MTHFD1: variants seen among roughly 807,000 people sequenced by gnomAD.
MTHFD1 encodes C-1-tetrahydrofolate synthase, cytoplasmic.
A neutral mutation model predicts 110.3 loss-of-function variants in MTHFD1; 44 were observed. The ratio of observed to expected loss-of-function variants is 0.40; its 90% CI spans 0.31 to 0.51. The LOEUF (loss-of-function observed/expected upper bound fraction) is 0.51. Among genes scored for constraint, MTHFD1 ranks in the 20% least tolerant of loss-of-function variants. The pLI is 0.60. For missense variants in MTHFD1, 909 were observed against 1,173.1 expected (o/e 0.77, Z 3.29); for synonymous variants, 402 against 428.8 (o/e 0.94, Z 0.77).
intron 3 of MTHFD1, among the ~76,000 whole-genome samples, chr14:64,412,032 G>A (rs1190674449): frequency 2.0e-5 from 3 of 152,158 alleles, no homozygotes; most frequent in Non-Finnish European, 4.4e-5. Flanking sequence ...GTGGGCTGGG[G>A]GGATTTACAT....
intron 2 of MTHFD1, among the ~76,000 whole-genome samples, chr14:64,401,776 A>G (rs1024260301): frequency 6.6e-6 from 1 of 152,286 alleles, no homozygotes; most frequent in East Asian, 1.9e-4. Context: ...GAGCTCATTT[A>G]TTATATGTTA....
intron 2 of MTHFD1, among the ~76,000 whole-genome samples, chr14:64,403,121 AT>A (rs966368144): frequency 1.4e-4 from 21 of 146,252 alleles, no homozygotes; most frequent in Admixed American, 2.7e-4. Context: ...ACCATGCCTA[AT>A]TTTTTTTTTT....
At position 64,428,111 on chromosome 14, in the gene MTHFD1, T is replaced by TG. The variant is rs1342374183; in HGVS notation, c.1264+638_1264+639insG. Reference sequence around the variant, plus strand: ...GGTACTAAGAACATGTGTTTTTTTTTTTTTTTTTTTTTTTTTGAGACAGGG... The same window carrying TG: ...GGTACTAAGAACATGTGTTTTTTTTTGTTTTTTTTTTTTTTTTGAGACAGGG... On this transcript the variant is annotated intron_variant, in intron 12 of 27. Transcript: ENST00000652337. Among the ~76,000 whole-genome samples the TG allele has an allele frequency of 6.1e-3, 875 of 144,516 alleles. 7 individuals carry two copies. The highest frequency in any genetic ancestry group is 0.021 in the African/African-American group (831 of 38,972). The allele number at this position is 144,516 out of a possible 152,430, so 94.8% of individuals were successfully genotyped here.
intron 14 of MTHFD1, 26 bp from the exon 15 acceptor site, chr14:64,431,761 T>G (rs780543996): frequency 1.2e-6 from 2 of 1,610,316 alleles, no homozygotes; most frequent in East Asian, 4.5e-5. Context: ...CTCCTCTCAT[T>G]TTAAAGCCCC....
chr14:64,446,102 A>T (rs554054617), intron 22 of MTHFD1, among the ~76,000 whole-genome samples: 10 of 152,290 alleles, frequency 6.6e-5, no homozygotes, highest in South Asian at 2.1e-4. Flanking sequence ...AAAATATTTA[A>T]TGTATTGTTA....
At chr14:64,428,754 A>G (rs1566566103) in intron 12 of MTHFD1, among the ~76,000 whole-genome samples, 1 of 150,582 alleles carries the variant, frequency 6.6e-6, no homozygotes, top group Non-Finnish European at 1.5e-5. Context: ...GGGTTTCACT[A>G]TATTGGCCAG....
chr14:64,408,392 G>T (rs1247664967), intron 2 of MTHFD1, among the ~76,000 whole-genome samples: 1 of 151,732 alleles, frequency 6.6e-6, no homozygotes, highest in Non-Finnish European at 1.5e-5. Flanking sequence ...GGGTTCAAGG[G>T]ATTCTCCTGC....
intron 24 of MTHFD1, among the ~76,000 whole-genome samples, chr14:64,451,314 G>A (rs1436003175): frequency 6.6e-6 from 1 of 152,112 alleles, no homozygotes; most frequent in Non-Finnish European, 1.5e-5. Flanking sequence ...GAGCCAATGT[G>A]CCTGGCCTGG....
rs188552530 is a variant in MTHFD1 at position 64,416,304 on chromosome 14, G to A, written c.478+565G>A. On this transcript the variant is annotated intron_variant, in intron 6 of 27. Coordinates refer to ENST00000652337, the MANE Select transcript of MTHFD1 (RefSeq NM_005956.4). Reference sequence around the variant, plus strand: ...CCAGCTCAGAGAGAGCAAGTAACTTGTCTGGGAGACAACGGAACCAAGATT... The same window carrying A: ...CCAGCTCAGAGAGAGCAAGTAACTTATCTGGGAGACAACGGAACCAAGATT... Among the ~76,000 whole-genome samples the A allele has an allele frequency of 8.9e-4, 135 of 152,276 alleles. 2 individuals carry two copies. Among genetic ancestry groups the A allele is most frequent in the Admixed American group, 3.3e-3 (51 of 15,292 alleles).
At chr14:64,458,176 C>T (rs768242943) in intron 26 of MTHFD1, 38 bp from the exon 27 acceptor site, 6 of 1,466,590 alleles carry the variant, frequency 4.1e-6, no homozygotes, top group East Asian at 2.3e-5. Context: ...CCACTGTGCC[C>T]AGCATTAGTT....
At chr14:64,419,708 C>G (rs2295640) in intron 7 of MTHFD1, 106 bp from the exon 8 acceptor site, 711,278 of 795,898 alleles carry the variant, frequency 0.89, 319,363 homozygotes, top group African/African-American at 0.98. Flanking sequence ...GCTTATGACA[C>G]TTAAGAATTT....
At chr14:64,447,647 C>T (rs2078303430) in intron 22 of MTHFD1, among the ~76,000 whole-genome samples, 1 of 151,996 alleles carries the variant, frequency 6.6e-6, no homozygotes, top group Non-Finnish European at 1.5e-5. Flanking sequence ...TATCTTATTT[C>T]TTGCCCTCGT....
intron 24 of MTHFD1, among the ~76,000 whole-genome samples, chr14:64,450,224 A>C (rs905318187): frequency 6.6e-6 from 1 of 152,266 alleles, no homozygotes; most frequent in African/African-American, 2.4e-5. Flanking sequence ...GCAGAAGAGA[A>C]GGTTACATAT....
intron 2 of MTHFD1, among the ~76,000 whole-genome samples, chr14:64,407,881 T>TTC (rs1203673993): frequency 6.6e-6 from 1 of 152,160 alleles, no homozygotes; most frequent in African/African-American, 2.4e-5. Flanking sequence ...TCGGGAACTA[T>TTC]TCAGAGTGCT....
intron 12 of MTHFD1, among the ~76,000 whole-genome samples, chr14:64,429,463 C>CAGT (rs2078142688): frequency 2.0e-5 from 3 of 151,722 alleles, no homozygotes; most frequent in Non-Finnish European, 2.9e-5. Context: ...GCTTGGTGTC[C>CAGT]TGAACATTTT....
At chr14:64,452,176 T>C (rs1183178993) in intron 24 of MTHFD1, among the ~76,000 whole-genome samples, 1 of 152,156 alleles carries the variant, frequency 6.6e-6, no homozygotes, top group Non-Finnish European at 1.5e-5. Flanking sequence ...ATGCCTGTGA[T>C]CCCAGCTACT....
At chr14:64,437,867 A>C (rs1351711179) in intron 16 of MTHFD1, among the ~76,000 whole-genome samples, 1 of 151,940 alleles carries the variant, frequency 6.6e-6, no homozygotes, top group Non-Finnish European at 1.5e-5. Flanking sequence ...TCATCAAATC[A>C]TGTTGTTCAA....
intron 3 of MTHFD1, among the ~76,000 whole-genome samples, chr14:64,412,000 A>ATCAGATATACATTTGTGTCTGG (rs1022114926): frequency 1.4e-4 from 22 of 152,296 alleles, no homozygotes; most frequent in Non-Finnish European, 2.5e-4. Context: ...CAGGGGAAAA[A>ATCAGATATACATTTGTGTCTGG]TCAGATATAC....
At position 64,441,283 on chromosome 14, in the gene MTHFD1, C is replaced by T. The variant is rs576556860; in HGVS notation, c.1816-102C>T. ...ATTCAGGTGAAAGTATCAATTGGTC[C>T]AAGATGGCTAACATGGGTAAGCCTA... On this transcript the variant is annotated intron_variant, in intron 18 of 27. Transcript: ENST00000652337. 1.8e-5 allele frequency: 20 copies of T among 1,096,398 alleles called. No individual in the cohort carries two copies. In the East Asian group the frequency reaches 2.4e-4, roughly 13 times the overall value. The allele number at this position is 1,096,398 out of a possible 1,614,324, so 67.9% of individuals were successfully genotyped here. A position where few individuals can be genotyped will look rare whatever the true frequency, so the allele number is the denominator to read the frequency against.
Sources: gnomAD v4.1 joint callset for allele counts (sites outside exome capture counted in the v4.1 genomes callset) on GRCh38, gnomAD v4.1.1 for gene constraint, MANE v1.5 for transcripts, NCBI Gene and HGNC (gene_info 2026-07-23, HGNC 2026-07-21) for gene names.